Variants in RBFOX1 observed in about 807,000 individuals in gnomAD.
RBFOX1 encodes RNA binding fox-1 homolog 1, also known as RNA binding protein fox-1 homolog 1.
In RBFOX1, 8 loss-of-function variants were observed where a neutral mutation model predicts 57.7. The observed-to-expected ratio is 0.14, with a 90% CI of 0.08 to 0.25. RBFOX1 has a LOEUF of 0.25. Ranked by LOEUF, RBFOX1 falls within the 10% of genes least tolerant of loss-of-function variation. The pLI is 1.00. For synonymous variants in RBFOX1, 326 were observed against 222.4 expected, an observed-to-expected ratio of 1.47 and a Z score of -4.15; for missense variants, 611 against 548.5, an observed-to-expected ratio of 1.11 and a Z score of -1.14.
chr16:6,707,252 C>G (rs975934013), intron 3 of RBFOX1, among the ~76,000 whole-genome samples: 49 of 152,162 alleles, frequency 3.2e-4, no homozygotes, highest in African/African-American at 1.2e-3. Flanking sequence ...CGGTCCTCCT[C>G]CAATATTTGG....
rs138354979 is a variant in RBFOX1, at chr16:7,441,541, C to T, written c.28-76606C>T. 2.9e-3 allele frequency among the ~76,000 whole-genome samples: 431 copies of T among 147,350 alleles called. 2 individuals carry two copies. Among genetic ancestry groups the T allele is most frequent in the African/African-American group, 9.9e-3 (395 of 39,844 alleles). On this transcript the variant is annotated intron_variant, in intron 4 of 15. Coordinates refer to ENST00000550418, the MANE Select transcript of RBFOX1 (RefSeq NM_018723.4). ...CTCTCCTACTATAATATCTTTTTCA[C>T]GTCAGGGCTTGTAAACCTGAAATCT... is the stretch of plus-strand genomic sequence containing the variant.
chr16:6,475,874 C>T (rs924300614), intron 2 of RBFOX1, among the ~76,000 whole-genome samples: 16 of 152,212 alleles, frequency 1.1e-4, no homozygotes, highest in African/African-American at 3.1e-4. Flanking sequence ...TAATCTACGT[C>T]GCATTTTACT....
At chr16:5,468,089 C>T (rs2069009791) in intron 2 of RBFOX1, among the ~76,000 whole-genome samples, 1 of 152,112 alleles carries the variant, frequency 6.6e-6, no homozygotes, top group Non-Finnish European at 1.5e-5. Context: ...GTTCCTCCTC[C>T]CACCCCTCTT....
At chr16:5,285,079 T>A (rs576246945) in intron 1 of RBFOX1, among the ~76,000 whole-genome samples, 16 of 152,280 alleles carry the variant, frequency 1.1e-4, no homozygotes, top group African/African-American at 3.8e-4. Flanking sequence ...CTCATCTCCA[T>A]CTGGAACTCC....
rs1195100039 is a variant in RBFOX1, at chr16:7,418,211, A to G, written c.28-99936A>G. ...CATAGTTTCCACCCCAGAAGCCTCC[A>G]TGCCCCATACTGGTTAAAAAGTTAT... is the stretch of plus-strand genomic sequence containing the variant. On this transcript the variant is annotated intron_variant, in intron 4 of 15. Transcript: ENST00000550418. Among the ~76,000 whole-genome samples the G allele has an allele frequency of 2.6e-5, 4 of 152,216 alleles. No individual in the cohort carries two copies. The South Asian group carries it at 6.2e-4, about 24-fold the overall frequency.
intron 5 of RBFOX1, among the ~76,000 whole-genome samples, chr16:7,519,481 A>G (rs2077067948): frequency 6.6e-6 from 1 of 152,250 alleles, no homozygotes; most frequent in Non-Finnish European, 1.5e-5. Flanking sequence ...GCATGTAAAC[A>G]GAAACATTTT....
chr16:6,839,698 A>C (rs1269741738), intron 3 of RBFOX1, among the ~76,000 whole-genome samples: 1 of 152,176 alleles, frequency 6.6e-6, no homozygotes, highest in East Asian at 1.9e-4. Flanking sequence ...GTTCACTGGG[A>C]TATTAGAAGG....
chr16:5,963,796 A>T (rs9922973), intron 4 of RBFOX1, among the ~76,000 whole-genome samples: 3 of 152,086 alleles, frequency 2.0e-5, no homozygotes, highest in Non-Finnish European at 4.4e-5. Flanking sequence ...ACCTAAAGCC[A>T]TAAGACTCCT....
At chr16:7,645,833 T>A (rs532266788) in intron 11 of RBFOX1, among the ~76,000 whole-genome samples, 116 of 152,324 alleles carry the variant, frequency 7.6e-4, no homozygotes, top group African/African-American at 2.7e-3. Context: ...AATGTGTGTT[T>A]CAGGGATAAA....
Position 6,710,089 on chromosome 16 carries a change from T to C in RBFOX1, c.-16+55439T>C, listed in dbSNP as rs574819937. ...GGTGATTTGCCCTATTTGTGGGGTA[T>C]TGGGGAGGGAACCACAGCAAAAATA... On this transcript the variant is annotated intron_variant, in intron 3 of 15. Transcript: ENST00000550418. Among the ~76,000 whole-genome samples the C allele has an allele frequency of 1.3e-5, 2 of 152,200 alleles. 1 individual carries two copies. The highest frequency in any genetic ancestry group is 4.2e-4 in the South Asian group (2 of 4,812).
In RBFOX1 at chr16:7,546,163, C is replaced by G. The variant is rs907122573; in HGVS notation, c.270+27774C>G. Among the ~76,000 whole-genome samples, 91 of 151,858 alleles carry G rather than the reference C, an allele frequency of 6.0e-4. 1 individual carries two copies. The highest frequency in any genetic ancestry group is 2.1e-3 in the African/African-American group (88 of 41,410). ...CCAACATGGTGAAACCCTGTCTCTA[C>G]TAAAAATATAAAAATCAGCCAGGCA... On this transcript the variant is annotated intron_variant, in intron 5 of 15. Transcript: ENST00000550418.
At chr16:7,261,644 T>C (rs1267827073) in intron 4 of RBFOX1, among the ~76,000 whole-genome samples, 1 of 152,184 alleles carries the variant, frequency 6.6e-6, no homozygotes, top group African/African-American at 2.4e-5. Context: ...GTAGGCTCTC[T>C]CCACTCACCT....
At chr16:6,678,942 T>C (rs2058194881) in intron 3 of RBFOX1, among the ~76,000 whole-genome samples, 2 of 152,178 alleles carry the variant, frequency 1.3e-5, no homozygotes, top group Admixed American at 6.5e-5. Flanking sequence ...GGATGTGGCA[T>C]TCAGTATAAT....
chr16:7,644,348 T>C (rs560532032), intron 11 of RBFOX1, among the ~76,000 whole-genome samples: 3 of 152,298 alleles, frequency 2.0e-5, no homozygotes, highest in Admixed American at 6.5e-5. Context: ...CATCATGCAA[T>C]TGAATTTTCT....
At chr16:5,529,796 G>C (rs1480153419) in intron 2 of RBFOX1, among the ~76,000 whole-genome samples, 1 of 152,040 alleles carries the variant, frequency 6.6e-6, no homozygotes, top group Non-Finnish European at 1.5e-5. Flanking sequence ...TCGAACTCCT[G>C]ACCTCAAGTG....
chr16:7,333,049 G>A (rs768357955), intron 4 of RBFOX1: 2 of 1,613,826 alleles, frequency 1.2e-6, no homozygotes, highest in South Asian at 1.1e-5. Flanking sequence ...GCGTGCCTAT[G>A]ATTGTACCGG....
chr16:7,285,075 CTTTTTTTTTTTTT>C (rs58959488), intron 4 of RBFOX1, among the ~76,000 whole-genome samples: 11 of 42,686 alleles, frequency 2.6e-4, no homozygotes, highest in African/African-American at 4.2e-4. Context: ...AGATTCCTTA[CTTTTTTTTTTTTT>C]TTTTTTTTTT....
At chr16:7,382,123 T>C (rs1210026746) in intron 4 of RBFOX1, among the ~76,000 whole-genome samples, 1 of 152,200 alleles carries the variant, frequency 6.6e-6, no homozygotes, top group Admixed American at 6.5e-5. Flanking sequence ...AACAATATAT[T>C]TGAGTAGGGA....
At chr16:7,706,791 G>T (rs918608832) in intron 14 of RBFOX1, among the ~76,000 whole-genome samples, 1 of 152,136 alleles carries the variant, frequency 6.6e-6, no homozygotes, top group Non-Finnish European at 1.5e-5. Flanking sequence ...ATTCCCTCAT[G>T]AAATAAAGAG....
Sources: allele counts gnomAD v4.1 joint callset (sites outside exome capture counted in the v4.1 genomes callset), GRCh38; gene constraint gnomAD v4.1.1; transcripts MANE v1.5; gene names NCBI Gene and HGNC (gene_info 2026-07-23, HGNC 2026-07-21).